The following SEMA6D variants were observed in gnomAD, a reference collection of about 807,000 sequenced individuals.
SEMA6D encodes the protein semaphorin-6D.
A neutral mutation model predicts 106.6 loss-of-function variants in SEMA6D; 35 were observed. That is an observed-to-expected ratio of 0.33 (90% CI 0.25 to 0.44). The LOEUF is 0.44. SEMA6D is among the 20% of genes least tolerant of loss of function. SEMA6D has a pLI of 1.00. For missense variants in SEMA6D, 1,185 were observed against 1,345.9 expected (o/e 0.88, Z 1.87); for synonymous variants, 499 against 487.7 (o/e 1.02, Z -0.31).
chr15:47,681,844 C>A (rs1309928394), intron 4 of SEMA6D, among the ~76,000 whole-genome samples: 2 of 152,082 alleles, frequency 1.3e-5, no homozygotes, highest in Admixed American at 1.3e-4. Flanking sequence ...AACTGCTTCT[C>A]CATCTGAAGA....
At chr15:47,403,983 T>G (rs2040478699) in intron 1 of SEMA6D, among the ~76,000 whole-genome samples, 1 of 152,164 alleles carries the variant, frequency 6.6e-6, no homozygotes, top group Non-Finnish European at 1.5e-5. Flanking sequence ...CAGCTAGAAT[T>G]ATGCCTGTGA....
rs1468260325 is a variant in SEMA6D, at chr15:47,342,084, C to T, written c.-238-70309C>T. ...AAAATCCAAAAGGAAGGCCTTTAGCCTGATACAGCCCAGTGCTTTAGGTTC... is the reference window on the plus strand; with the variant it reads ...AAAATCCAAAAGGAAGGCCTTTAGCTTGATACAGCCCAGTGCTTTAGGTTC... On this transcript the variant is annotated intron_variant, in intron 1 of 19. Coordinates refer to the SEMA6D transcript ENST00000558014. 3.3e-5 allele frequency among the ~76,000 whole-genome samples: 5 copies of T among 151,924 alleles called. No individual in the cohort carries two copies. The East Asian group carries it at 9.7e-4, about 29-fold the overall frequency.
At chr15:47,491,609 T>G (rs1294332605) in intron 3 of SEMA6D, among the ~76,000 whole-genome samples, 1 of 152,160 alleles carries the variant, frequency 6.6e-6, no homozygotes, top group Non-Finnish European at 1.5e-5. Flanking sequence ...ATGGTAGTGT[T>G]TTAGTTCTTG....
intron 1 of SEMA6D, among the ~76,000 whole-genome samples, chr15:47,210,594 G>A (rs937131031): frequency 6.6e-6 from 1 of 151,526 alleles, no homozygotes; most frequent in African/African-American, 2.4e-5. Flanking sequence ...GTGAAACCCC[G>A]TCTCTACTAA....
intron 1 of SEMA6D, among the ~76,000 whole-genome samples, chr15:47,327,602 G>T (rs576421909): frequency 1.3e-5 from 2 of 152,176 alleles, no homozygotes; most frequent in Non-Finnish European, 2.9e-5. Context: ...GGACTTATAA[G>T]TAGAAAATAT....
At chr15:47,667,160 G>C (rs1391750200) in intron 4 of SEMA6D, among the ~76,000 whole-genome samples, 1 of 152,128 alleles carries the variant, frequency 6.6e-6, no homozygotes, top group Non-Finnish European at 1.5e-5. Flanking sequence ...CCAAATTCCT[G>C]ACCTACAGAA....
chr15:47,557,111 G>A (rs920372599), intron 3 of SEMA6D, among the ~76,000 whole-genome samples: 5 of 152,074 alleles, frequency 3.3e-5, no homozygotes, highest in African/African-American at 1.2e-4. Context: ...TAGTACCCTC[G>A]GAGACTACAG....
intron 1 of SEMA6D, among the ~76,000 whole-genome samples, chr15:47,749,731 G>T (rs915532448): frequency 6.6e-6 from 1 of 152,326 alleles, no homozygotes; most frequent in South Asian, 2.1e-4. Context: ...ATTGGAACTG[G>T]TGTGTGGTGG....
At chr15:47,742,581 G>T (rs1276709855) in intron 1 of SEMA6D, among the ~76,000 whole-genome samples, 2 of 152,236 alleles carry the variant, frequency 1.3e-5, no homozygotes, top group Non-Finnish European at 2.9e-5. Flanking sequence ...TGTTGGGCTG[G>T]GGTTGTGTTT....
At chr15:47,761,134 T>G in intron 4 of SEMA6D, 24 bp from the exon 5 acceptor site, 1 of 1,613,342 alleles carries the variant, frequency 6.2e-7, no homozygotes, top group Admixed American at 1.7e-5. Context: ...TAAAAACTGC[T>G]TTGGTTTTGC....
intron 1 of SEMA6D, among the ~76,000 whole-genome samples, chr15:47,333,725 A>G (rs568477263): frequency 7.9e-5 from 12 of 152,336 alleles, no homozygotes; most frequent in African/African-American, 2.4e-4. Flanking sequence ...CATGGACATT[A>G]CATTTTAACT....
chr15:47,195,214 G>A (rs1894254925), intron 1 of SEMA6D, among the ~76,000 whole-genome samples: 1 of 152,116 alleles, frequency 6.6e-6, no homozygotes, highest in African/African-American at 2.4e-5. Flanking sequence ...AGGAAAGATG[G>A]ACACAGAGAA....
At chr15:47,231,002 T>C (rs1367883781) in intron 1 of SEMA6D, among the ~76,000 whole-genome samples, 2 of 151,970 alleles carry the variant, frequency 1.3e-5, no homozygotes, top group African/African-American at 4.8e-5. Flanking sequence ...CTCCCCTTTG[T>C]CTTTGTCCTC....
chr15:47,377,140 A>T (rs561089568), intron 1 of SEMA6D, among the ~76,000 whole-genome samples: 1 of 152,216 alleles, frequency 6.6e-6, no homozygotes, highest in Non-Finnish European at 1.5e-5. Context: ...GAATTATTAA[A>T]TTTTAAATGA....
At chr15:47,257,159 G>A (rs2033851150) in intron 1 of SEMA6D, among the ~76,000 whole-genome samples, 1 of 151,096 alleles carries the variant, frequency 6.6e-6, no homozygotes, top group African/African-American at 2.4e-5. Flanking sequence ...CCGGGTTCAT[G>A]CCATTCTCCT....
At chr15:47,551,423 AC>A (rs1216357386) in intron 3 of SEMA6D, among the ~76,000 whole-genome samples, 1 of 152,204 alleles carries the variant, frequency 6.6e-6, no homozygotes, top group Non-Finnish European at 1.5e-5. Flanking sequence ...GGCCAGGCGG[AC>A]AAAGTAATAC....
At chr15:47,486,620 G>A (rs1180079633) in intron 3 of SEMA6D, among the ~76,000 whole-genome samples, 9 of 152,226 alleles carry the variant, frequency 5.9e-5, no homozygotes, top group African/African-American at 2.2e-4. Context: ...GGCCTCATAT[G>A]CACCCTGCTG....
chr15:47,425,791 A>C (rs1023722035), intron 2 of SEMA6D, among the ~76,000 whole-genome samples: 1 of 151,750 alleles, frequency 6.6e-6, no homozygotes, highest in Non-Finnish European at 1.5e-5. Context: ...AGCGAGGTAA[A>C]GGTACCTTTT....
chr15:47,284,996 C>T (rs2035296723), intron 1 of SEMA6D, among the ~76,000 whole-genome samples: 1 of 152,134 alleles, frequency 6.6e-6, no homozygotes, highest in South Asian at 2.1e-4. Flanking sequence ...GGGAGAAACG[C>T]AAGGTGAGCT....
Sources: gnomAD v4.1 joint callset for allele counts (sites outside exome capture counted in the v4.1 genomes callset) on GRCh38, gnomAD v4.1.1 for gene constraint, MANE v1.5 for transcripts, NCBI Gene and HGNC (gene_info 2026-07-23, HGNC 2026-07-21) for gene names.